PTK2B: variants seen among roughly 807,000 people sequenced by gnomAD.
PTK2B encodes protein tyrosine kinase 2 beta.
Under a neutral mutation model 142.9 loss-of-function variants are expected in PTK2B, and 71 were observed. The ratio of observed to expected loss-of-function variants is 0.50; its 90% CI spans 0.41 to 0.61. The LOEUF (loss-of-function observed/expected upper bound fraction) is 0.61. Among genes scored for constraint, PTK2B ranks in the 20% least tolerant of loss-of-function variants. PTK2B has a pLI of 0.00. For missense variants in PTK2B, 1,105 were observed against 1,320.4 expected (o/e 0.84, Z 2.53); for synonymous variants, 519 against 503.4 (o/e 1.03, Z -0.42).
At chr8:27,343,928 A>G (rs568552188) in intron 1 of PTK2B, among the ~76,000 whole-genome samples, 2 of 152,232 alleles carry the variant, frequency 1.3e-5, no homozygotes, top group African/African-American at 4.8e-5. Flanking sequence ...GTGTGAACCC[A>G]GGAGGCGGAG....
intron 1 of PTK2B, among the ~76,000 whole-genome samples, chr8:27,348,419 C>T (rs1316857053): frequency 6.6e-6 from 1 of 152,220 alleles, no homozygotes. Flanking sequence ...TCTTCCCACT[C>T]TGCTTTCCAG....
intron 3 of PTK2B, among the ~76,000 whole-genome samples, chr8:27,320,165 A>G (rs1803180498): frequency 6.6e-6 from 1 of 151,580 alleles, no homozygotes; most frequent in South Asian, 2.1e-4. Flanking sequence ...GCACGTAGGG[A>G]CTCTGGCTTT....
At chr8:27,378,325 T>C (rs1170572391) in intron 1 of PTK2B, among the ~76,000 whole-genome samples, 1 of 152,228 alleles carries the variant, frequency 6.6e-6, no homozygotes, top group Non-Finnish European at 1.5e-5. Context: ...GGTGAGGGAT[T>C]CAGGGGGGTT....
At chr8:27,338,883 T>C (rs1165685967) in intron 1 of PTK2B, among the ~76,000 whole-genome samples, 1 of 152,190 alleles carries the variant, frequency 6.6e-6, no homozygotes, top group Non-Finnish European at 1.5e-5. Context: ...GACTCATGAA[T>C]GAATGAACAA....
chr8:27,311,313 C>A, upstream of PTK2B: 1 of 1,428,040 alleles, frequency 7.0e-7, no homozygotes, highest in Non-Finnish European at 9.2e-7. Flanking sequence ...CGCCCGCGAC[C>A]CGAGTGCTGG....
chr8:27,434,526 C>G lies in PTK2B; in HGVS notation c.1159C>G (p.Arg387Gly). The change falls in exon 13 of 31, where the codon CGG becomes GGG. Residue 387 changes from arginine to glycine, a missense_variant. Arg to Gly is a moderately radical substitution (Grantham distance 125). Transcript: ENST00000346049. ...CACCTCCTACAGAAACCTGGAGGCCCGGCGGTCCCACCTCTCAGAGAGCTG... is the reference window on the plus strand; with the variant it reads ...CACCTCCTACAGAAACCTGGAGGCCGGGCGGTCCCACCTCTCAGAGAGCTG... ...PQIPMLNLEA[R>G]RSHLSESCSI... The G allele has an allele frequency of 6.2e-7, 1 of 1,608,858 alleles. No individual in the cohort carries two copies. The highest frequency in any genetic ancestry group is 1.7e-4 in the Middle Eastern group (1 of 6,050).
intron 18 of PTK2B, chr8:27,438,140 A>G (rs1282150078): frequency 1.2e-5 from 5 of 407,900 alleles, no homozygotes; most frequent in Non-Finnish European, 2.3e-5. Context: ...AAGACCTTCT[A>G]GCCCCTCCCC....
At chr8:27,433,637 C>A in intron 11 of PTK2B, 85 bp downstream of exon 11, 1 of 1,133,518 alleles carries the variant, frequency 8.8e-7, no homozygotes, top group South Asian at 1.3e-5. Flanking sequence ...GAAGCTAAGC[C>A]ACTGATGGAT....
rs540938689 is a variant in PTK2B, at chr8:27,363,669, C to T, written c.-37-33879C>T. Among the ~76,000 whole-genome samples, 3 of 152,296 alleles carry T rather than the reference C, an allele frequency of 2.0e-5. No individual in the cohort carries two copies. The highest frequency in any genetic ancestry group is 4.1e-4 in the South Asian group (2 of 4,828). ...TTTTTCTCATCATGGACCTCCTCCCCGGAGCCAGGCAGAGGCTCAGGGGCT... is the reference window on the plus strand; with the variant it reads ...TTTTTCTCATCATGGACCTCCTCCCTGGAGCCAGGCAGAGGCTCAGGGGCT... On this transcript the variant is annotated intron_variant, in intron 1 of 30. Transcript: ENST00000346049. This position sits in a 1 kb window ranked among gnomAD's most constrained non-coding sequence, Gnocchi z 4.3.
intron 1 of PTK2B, among the ~76,000 whole-genome samples, chr8:27,336,583 T>A (rs954185984): frequency 1.3e-5 from 2 of 152,270 alleles, no homozygotes; most frequent in East Asian, 3.8e-4. Context: ...TGTAGGATAA[T>A]GTTGAATAGA....
intron 1 of PTK2B, among the ~76,000 whole-genome samples, chr8:27,348,452 C>T (rs1271818042): frequency 6.6e-6 from 1 of 152,192 alleles, no homozygotes; most frequent in Non-Finnish European, 1.5e-5. Context: ...TGCACACACA[C>T]CTCCTGGAAC....
At chr8:27,444,743 T>G (rs775852588) in intron 23 of PTK2B, among the ~76,000 whole-genome samples, 23 of 152,318 alleles carry the variant, frequency 1.5e-4, no homozygotes, top group Non-Finnish European at 2.8e-4. Flanking sequence ...AGGCTGTGCG[T>G]CCCTGACCCT....
intron 1 of PTK2B, among the ~76,000 whole-genome samples, chr8:27,327,410 GT>G (rs5890365): frequency 0.24 from 36,565 of 150,034 alleles, 4,822 homozygotes; most frequent in Middle Eastern, 0.46. Context: ...GCACTCAATG[GT>G]TTTTTTTTTC....
chr8:27,411,052 C>T (rs1316809816), intron 2 of PTK2B, among the ~76,000 whole-genome samples: 1 of 151,998 alleles, frequency 6.6e-6, no homozygotes, highest in Non-Finnish European at 1.5e-5. Context: ...CTGGGCTTAC[C>T]CAAATAGCAA....
At chr8:27,415,587 A>G (rs997923595) in intron 2 of PTK2B, among the ~76,000 whole-genome samples, 1 of 152,192 alleles carries the variant, frequency 6.6e-6, no homozygotes, top group Non-Finnish European at 1.5e-5. Flanking sequence ...GTGATGAATG[A>G]GATCTGCAAG....
At chr8:27,370,596 A>C (rs1303479869) in intron 1 of PTK2B, among the ~76,000 whole-genome samples, 2 of 152,158 alleles carry the variant, frequency 1.3e-5, no homozygotes, top group African/African-American at 2.4e-5. Flanking sequence ...CCCATCCTCT[A>C]TCTGCTGATC....
intron 9 of PTK2B, 65 bp from the exon 10 acceptor site, chr8:27,432,195 G>T: frequency 6.7e-7 from 1 of 1,490,778 alleles, no homozygotes. Context: ...CCCCCATACT[G>T]ACCAATCTGC....
intron 2 of PTK2B, among the ~76,000 whole-genome samples, chr8:27,408,078 A>G (rs889699723): frequency 1.3e-5 from 2 of 152,238 alleles, no homozygotes; most frequent in African/African-American, 4.8e-5. Context: ...CCTCAGCAGC[A>G]GCCTCAGAAG....
At position 27,450,789 on chromosome 8, in the gene PTK2B, A is replaced by G; in HGVS notation, c.2381A>G (p.Gln794Arg). 1 of 1,614,178 alleles carries G rather than the reference A, an allele frequency of 6.2e-7. No homozygotes were observed. The highest frequency in any genetic ancestry group is 1.3e-5 in the African/African-American group (1 of 75,038). Residue 794 changes from glutamine (Q) to arginine (R), a missense_variant, in exon 25 of 31, where the codon CAG becomes CGG. Coordinates refer to ENST00000346049, the MANE Select transcript of PTK2B (RefSeq NM_173176.3). ...CAACCCAGCAGCCGAGAAGAGGCCCAGCAGCTGTGGGAGGCTGAAAAGGTC... is the reference window on the plus strand; with the variant it reads ...CAACCCAGCAGCCGAGAAGAGGCCCGGCAGCTGTGGGAGGCTGAAAAGGTC... ...FIQPSSREEA[Q>R]QLWEAEKVKM... is the part of the protein sequence containing the mutation.
Sources: gnomAD v4.1 joint callset for allele counts (sites outside exome capture counted in the v4.1 genomes callset) on GRCh38, gnomAD v4.1.1 for gene constraint, Gnocchi (gnomAD v3.1) non-coding constraint, MANE v1.5 for transcripts, NCBI Gene and HGNC (gene_info 2026-07-23, HGNC 2026-07-21) for gene names.